Variants in ADAM12 observed in about 807,000 individuals in gnomAD.
ADAM12 encodes the protein ADAM metallopeptidase domain 12.
Under a neutral mutation model 106.4 loss-of-function variants are expected in ADAM12, and 70 were observed. That is an observed-to-expected ratio of 0.66 (90% confidence interval 0.54 to 0.80). The LOEUF is 0.80. Ranked by LOEUF, ADAM12 falls within the 30% of genes least tolerant of loss-of-function variation. The pLI, the probability that ADAM12 is intolerant of heterozygous loss-of-function variation, is 0.00. For synonymous variants in ADAM12, 420 were observed against 433.5 expected (o/e 0.97, Z 0.39); for missense variants, 1,010 against 1,171.9 (o/e 0.86, Z 2.02).
intron 14 of ADAM12, among the ~76,000 whole-genome samples, chr10:126,058,375 G>C (rs774822800): frequency 1.3e-5 from 2 of 152,214 alleles, no homozygotes; most frequent in Non-Finnish European, 2.9e-5. Context: ...AGCAGCCTGG[G>C]TAAATGAACG....
intron 19 of ADAM12, among the ~76,000 whole-genome samples, chr10:126,038,952 C>CTTTTTTTTTTTT (rs34277276): frequency 1.4e-5 from 1 of 71,558 alleles, no homozygotes; most frequent in African/African-American, 5.3e-5. Context: ...GACACCATTT[C>CTTTTTTTTTTTT]TTTTTTTTTT....
At chr10:126,326,012 G>T (rs1275300044) in intron 2 of ADAM12, among the ~76,000 whole-genome samples, 1 of 152,152 alleles carries the variant, frequency 6.6e-6, no homozygotes, top group East Asian at 1.9e-4. Flanking sequence ...ATTATCAGTG[G>T]CAGTGATGGC....
At chr10:126,132,543 G>T (rs1409343106) in intron 5 of ADAM12, among the ~76,000 whole-genome samples, 1 of 137,286 alleles carries the variant, frequency 7.3e-6, no homozygotes, top group African/African-American at 2.7e-5. Context: ...CCCTCAACTA[G>T]TCCAGTCCCA....
At chr10:126,251,598 TA>T (rs1958755572) in intron 3 of ADAM12, among the ~76,000 whole-genome samples, 3 of 144,920 alleles carry the variant, frequency 2.1e-5, no homozygotes, top group East Asian at 2.2e-4. Context: ...ACAGGATGGA[TA>T]GGATGGATGG....
intron 8 of ADAM12, among the ~76,000 whole-genome samples, chr10:126,103,254 A>G (rs1955702223): frequency 6.6e-6 from 1 of 152,156 alleles, no homozygotes; most frequent in African/African-American, 2.4e-5. Flanking sequence ...CCCCTCTCCA[A>G]AATTAGTGCC....
chr10:126,053,375 C>T lies in ADAM12; in HGVS notation c.1610-3706G>A, dbSNP rs1396322775. ...TGCCCCAAATGCTGGTGGAGCAGCACAGCTCAGAAAACCAGGTGTGTGTAA... is the reference window on the plus strand; with the variant it reads ...TGCCCCAAATGCTGGTGGAGCAGCATAGCTCAGAAAACCAGGTGTGTGTAA... On this transcript the variant is annotated intron_variant, in intron 14 of 22. Coordinates refer to ENST00000448723, the MANE Select transcript of ADAM12 (RefSeq NM_001288973.2). This position sits in a 1 kb window ranked among gnomAD's most constrained non-coding sequence, Gnocchi z 4.6. Among the ~76,000 whole-genome samples the T allele has an allele frequency of 6.6e-6, 1 of 152,162 alleles. No individual in the cohort carries two copies. Among genetic ancestry groups the T allele is most frequent in the Non-Finnish European group, 1.5e-5 (1 of 68,026 alleles).
chr10:126,115,601 C>T (rs1009289950), intron 6 of ADAM12, among the ~76,000 whole-genome samples: 1 of 152,176 alleles, frequency 6.6e-6, no homozygotes, highest in East Asian at 1.9e-4. Context: ...ATTCCTGATG[C>T]TCTGTGAAGA....
chr10:126,374,011 C>A (rs1184204054), intron 1 of ADAM12, among the ~76,000 whole-genome samples: 1 of 152,202 alleles, frequency 6.6e-6, no homozygotes, highest in Non-Finnish European at 1.5e-5. Flanking sequence ...GTCACCAGGG[C>A]TAGAAAACCT....
intron 1 of ADAM12, among the ~76,000 whole-genome samples, chr10:126,347,756 T>C (rs1799867250): frequency 6.6e-6 from 1 of 152,246 alleles, no homozygotes; most frequent in African/African-American, 2.4e-5. Context: ...TTATTGCCAA[T>C]TTTTAATTAG....
At chr10:126,093,152 G>A (rs1295369348) in intron 11 of ADAM12, among the ~76,000 whole-genome samples, 1 of 152,150 alleles carries the variant, frequency 6.6e-6, no homozygotes. Flanking sequence ...AGGTTTCAAG[G>A]TATAATAAAG....
chr10:126,038,157 A>C, intron 20 of ADAM12, 84 bp downstream of exon 20: 48 of 1,189,754 alleles, frequency 4.0e-5, no homozygotes, highest in Middle Eastern at 2.3e-4. Flanking sequence ...CAGCGCCTCT[A>C]GGATCCCATT....
intron 1 of ADAM12, among the ~76,000 whole-genome samples, chr10:126,357,472 C>T (rs181181074): frequency 6.6e-6 from 1 of 152,228 alleles, no homozygotes; most frequent in Admixed American, 6.5e-5. Context: ...CAAAGAAAAG[C>T]CTGATGGCTT....
At position 126,268,489 on chromosome 10, in the gene ADAM12, A is replaced by G. The variant is rs374355841; in HGVS notation, c.260+10426T>C. On this transcript the variant is annotated intron_variant, in intron 3 of 22. Coordinates refer to ENST00000448723, the MANE Select transcript of ADAM12 (RefSeq NM_001288973.2). ...GATGAAGCCCAGCTTTGTAATGATGATGCTACCTATGATGAGGAATAAAGA... is the reference window on the plus strand; with the variant it reads ...GATGAAGCCCAGCTTTGTAATGATGGTGCTACCTATGATGAGGAATAAAGA... 6.5e-4 allele frequency among the ~76,000 whole-genome samples: 99 copies of G among 152,326 alleles called. 2 individuals carry two copies. In the East Asian group the frequency reaches 0.012, roughly 18 times the overall value.
chr10:126,250,568 T>A (rs1189423972), intron 3 of ADAM12, among the ~76,000 whole-genome samples: 1 of 152,208 alleles, frequency 6.6e-6, no homozygotes, highest in East Asian at 1.9e-4. Flanking sequence ...CTGATTATTT[T>A]TTTGTGGCTT....
At chr10:126,037,301 A>G (rs924552398) in intron 20 of ADAM12, among the ~76,000 whole-genome samples, 1 of 63,206 alleles carries the variant, frequency 1.6e-5, no homozygotes, top group African/African-American at 6.1e-5. Flanking sequence ...TTTTTTTTTT[A>G]ATAGAGCTGC....
chr10:126,035,719 G>A lies in ADAM12; in HGVS notation c.2529+427C>T, dbSNP rs192370549. Among the ~76,000 whole-genome samples, 230 of 152,294 alleles carry A rather than the reference G, an allele frequency of 1.5e-3. 1 individual carries two copies. Among genetic ancestry groups the A allele is most frequent in the Non-Finnish European group, 2.9e-3 (197 of 68,016 alleles). ...GCTAAGTTTGGTACGGAGACACTCTGTATATAGGTGGTATAGTTCTTGTAA... is the reference window on the plus strand; with the variant it reads ...GCTAAGTTTGGTACGGAGACACTCTATATATAGGTGGTATAGTTCTTGTAA... On this transcript the variant is annotated intron_variant, in intron 21 of 22. Coordinates refer to ENST00000448723, the MANE Select transcript of ADAM12 (RefSeq NM_001288973.2).
At chr10:126,087,188 C>T (rs899620879) in intron 11 of ADAM12, among the ~76,000 whole-genome samples, 4 of 152,074 alleles carry the variant, frequency 2.6e-5, no homozygotes, top group Admixed American at 6.6e-5. Context: ...TACAGCTTAA[C>T]GGGGAGGACA....
At chr10:126,156,606 C>A (rs567762279) in intron 3 of ADAM12, among the ~76,000 whole-genome samples, 1 of 152,268 alleles carries the variant, frequency 6.6e-6, no homozygotes, top group East Asian at 1.9e-4. Context: ...GCATTTTGTC[C>A]AATTCTTTGT....
At chr10:126,216,911 T>C (rs993115399) in intron 3 of ADAM12, among the ~76,000 whole-genome samples, 2 of 152,232 alleles carry the variant, frequency 1.3e-5, no homozygotes. Flanking sequence ...TCTTCAGTTC[T>C]TGAGGCCTTT....
Sources: gnomAD v4.1 joint callset for allele counts (sites outside exome capture counted in the v4.1 genomes callset) on GRCh38, gnomAD v4.1.1 for gene constraint, Gnocchi (gnomAD v3.1) non-coding constraint, MANE v1.5 for transcripts, NCBI Gene and HGNC (gene_info 2026-07-23, HGNC 2026-07-21) for gene names.